The following GNAL variants were observed in gnomAD, a reference collection of about 807,000 sequenced individuals.
The protein encoded by GNAL is guanine nucleotide-binding protein G(olf) subunit alpha.
GNAL carries 18 observed loss-of-function variants against 55.1 expected under a neutral mutation model. The ratio of observed to expected loss-of-function variants is 0.33; its 90% CI spans 0.23 to 0.48. The LOEUF (loss-of-function observed/expected upper bound fraction) is 0.48. GNAL is among the 20% of genes least tolerant of loss of function. The pLI, the probability that GNAL is intolerant of heterozygous loss-of-function variation, is 0.99. For missense variants in GNAL, 412 were observed against 614.1 expected (o/e 0.67, Z 3.48); for synonymous variants, 253 against 237.0 (o/e 1.07, Z -0.62).
chr18:11,768,795 G>A (rs1237501249), intron 4 of GNAL, among the ~76,000 whole-genome samples: 2 of 147,600 alleles, frequency 1.4e-5, no homozygotes, highest in Non-Finnish European at 3.0e-5. Flanking sequence ...TCGGGAGGCT[G>A]AGGCAGGAGA....
chr18:11,759,406 C>T (rs932870533), intron 4 of GNAL, among the ~76,000 whole-genome samples: 1 of 152,238 alleles, frequency 6.6e-6, no homozygotes, highest in Non-Finnish European at 1.5e-5. Context: ...AACAGAAAAG[C>T]AGTCTGATCT....
chr18:11,755,079 G>A (rs1263627527), intron 4 of GNAL, among the ~76,000 whole-genome samples: 1 of 151,980 alleles, frequency 6.6e-6, no homozygotes, highest in Non-Finnish European at 1.5e-5. Context: ...GCCTGGCATG[G>A]TGGTTTGGAG....
intron 1 of GNAL, among the ~76,000 whole-genome samples, chr18:11,749,566 C>G (rs2032767363): frequency 6.6e-6 from 1 of 152,156 alleles, no homozygotes; most frequent in African/African-American, 2.4e-5. Flanking sequence ...GAACCAGGTA[C>G]CGGTGCCGCA....
At chr18:11,698,263 C>T (rs552702694) in intron 1 of GNAL, among the ~76,000 whole-genome samples, 57 of 152,064 alleles carry the variant, frequency 3.7e-4, no homozygotes, top group African/African-American at 1.2e-3. Flanking sequence ...GAGGCCGAGG[C>T]GGGTGGATCA....
At chr18:11,847,633 T>A (rs765378691) in intron 5 of GNAL, among the ~76,000 whole-genome samples, 102 of 152,282 alleles carry the variant, frequency 6.7e-4, no homozygotes, top group Non-Finnish European at 9.1e-4. Context: ...TAATCAAAAA[T>A]TTCTTTTTTT....
chr18:11,857,684 T>A (rs2036039913), intron 5 of GNAL: 1 of 985,090 alleles, frequency 1.0e-6, no homozygotes, highest in South Asian at 4.7e-5. Context: ...GCAGTGGGTC[T>A]GCCAGTGACG....
intron 4 of GNAL, among the ~76,000 whole-genome samples, chr18:11,773,186 C>T (rs1163464047): frequency 6.6e-6 from 1 of 152,240 alleles, no homozygotes; most frequent in African/African-American, 2.4e-5. Context: ...TGTCCCCTTA[C>T]CAGGGCTTGC....
intron 5 of GNAL, among the ~76,000 whole-genome samples, chr18:11,859,849 G>A (rs544056312): frequency 7.2e-5 from 11 of 151,868 alleles, no homozygotes; most frequent in Non-Finnish European, 1.2e-4. Flanking sequence ...GGGTTCAAGC[G>A]ATTCTCCTGC....
chr18:11,699,075 AG>A, intron 1 of GNAL, among the ~76,000 whole-genome samples: 1 of 152,342 alleles, frequency 6.6e-6, no homozygotes, highest in South Asian at 2.1e-4. Flanking sequence ...GATAATCAGA[AG>A]ATCTCCAAAA....
At chr18:11,763,300 C>T (rs1183993201) in intron 4 of GNAL, among the ~76,000 whole-genome samples, 4 of 152,214 alleles carry the variant, frequency 2.6e-5, no homozygotes, top group African/African-American at 9.6e-5. Flanking sequence ...ACATCATGCC[C>T]CCTTGCCTCT....
chr18:11,716,931 C>A lies in GNAL; in HGVS notation c.376+26992C>A, dbSNP rs188039792. Among the ~76,000 whole-genome samples, 329 of 152,344 alleles carry A rather than the reference C, an allele frequency of 2.2e-3. 2 individuals carry two copies. Among genetic ancestry groups the A allele is most frequent in the African/African-American group, 7.2e-3 (300 of 41,584 alleles). ...CTGCAGGTGGAGCTGCCTGCCAGTC[C>A]CGCACGGTTGTGCCCACACTCCTCA... On this transcript the variant is annotated intron_variant, in intron 1 of 11. Transcript: ENST00000334049.
chr18:11,753,908 A>G lies in GNAL; in HGVS notation c.587A>G (p.Lys196Arg). Residue 196 changes from lysine to arginine, a missense_variant, in exon 4 of 12, where the codon AAG (lysine) becomes AGG (arginine). Coordinates refer to ENST00000334049, the MANE Select transcript of GNAL (RefSeq NM_182978.4). ...PENQFRSDYI[K>R]SIAPITDFEY... Reference sequence around the variant, plus strand: ...AACCAATTTCGATCAGACTACATCAAGAGCATAGCCCCTATCACTGACTTT... The same window carrying G: ...AACCAATTTCGATCAGACTACATCAGGAGCATAGCCCCTATCACTGACTTT... The G allele has an allele frequency of 6.2e-7, 1 of 1,609,926 alleles. No homozygotes were observed. Among genetic ancestry groups the G allele is most frequent in the Non-Finnish European group, 8.5e-7 (1 of 1,176,154 alleles).
At chr18:11,768,978 T>TTATATATTCTATATTATAATATAGAATA (rs1210024031) in intron 4 of GNAL, among the ~76,000 whole-genome samples, 15 of 110,320 alleles carry the variant, frequency 1.4e-4, no homozygotes, top group South Asian at 1.1e-3. Context: ...ATTATATATA[T>TTATATATTCTATATTATAATATAGAATA]TATATATTCT....
intron 5 of GNAL, among the ~76,000 whole-genome samples, chr18:11,860,823 C>A (rs1196065687): frequency 1.3e-5 from 2 of 152,140 alleles, no homozygotes; most frequent in Admixed American, 6.5e-5. Flanking sequence ...AGGCACGTTT[C>A]TTAGGGAAGA....
At chr18:11,798,118 A>T (rs1282529659) in intron 4 of GNAL, among the ~76,000 whole-genome samples, 1 of 152,170 alleles carries the variant, frequency 6.6e-6, no homozygotes, top group African/African-American at 2.4e-5. Flanking sequence ...CTATAGTCCC[A>T]GTTACTCTGG....
At chr18:11,759,029 C>T (rs1338297859) in intron 4 of GNAL, among the ~76,000 whole-genome samples, 3 of 152,130 alleles carry the variant, frequency 2.0e-5, no homozygotes, top group Admixed American at 6.5e-5. Context: ...AAAAATTAGC[C>T]GGGCATGGTG....
At chr18:11,794,857 T>G (rs1462995971) in intron 4 of GNAL, among the ~76,000 whole-genome samples, 1 of 152,040 alleles carries the variant, frequency 6.6e-6, no homozygotes, top group Non-Finnish European at 1.5e-5. Context: ...TGTTTGTTGT[T>G]TTTGAGACAG....
intron 4 of GNAL, among the ~76,000 whole-genome samples, chr18:11,762,794 G>C (rs1216479434): frequency 6.6e-6 from 1 of 152,200 alleles, no homozygotes; most frequent in Admixed American, 6.5e-5. Context: ...TTCATAAAGA[G>C]ACCAGGCTTT....
chr18:11,721,353 AC>A (rs1219330395), intron 1 of GNAL, among the ~76,000 whole-genome samples: 1 of 152,196 alleles, frequency 6.6e-6, no homozygotes, highest in East Asian at 1.9e-4. Context: ...GTCCAACTAA[AC>A]CTTTTTCTGC....
Sources: allele counts gnomAD v4.1 joint callset (sites outside exome capture counted in the v4.1 genomes callset), GRCh38; gene constraint gnomAD v4.1.1; transcripts MANE v1.5; gene names NCBI Gene and HGNC (gene_info 2026-07-23, HGNC 2026-07-21).